KCNN2: variants seen among roughly 807,000 people sequenced by gnomAD.
KCNN2 encodes potassium calcium-activated channel subfamily N member 2.
A neutral mutation model predicts 55.5 loss-of-function variants in KCNN2; 24 were observed. The ratio of observed to expected loss-of-function variants is 0.43; its 90% CI spans 0.31 to 0.61. The LOEUF (loss-of-function observed/expected upper bound fraction) is 0.61. Among genes scored for constraint, KCNN2 ranks in the 20% least tolerant of loss-of-function variants. The probability of loss-of-function intolerance (pLI) is 0.08; values close to 1 mark genes in which losing one functional copy is unlikely to be tolerated. For synonymous variants in KCNN2, 431 were observed against 336.1 expected, an observed-to-expected ratio of 1.28 and a Z score of -3.09; for missense variants, 754 against 853.6, an observed-to-expected ratio of 0.88 and a Z score of 1.45.
chr5:114,082,287 A>G (rs1251225869), intron 1 of KCNN2, among the ~76,000 whole-genome samples: 1 of 151,752 alleles, frequency 6.6e-6, no homozygotes, highest in Non-Finnish European at 1.5e-5. Flanking sequence ...TTGTGCCACT[A>G]CACTCCAGCC....
At position 114,369,656 on chromosome 5, in the gene KCNN2, T is replaced by G. The variant is rs112611916; in HGVS notation, c.1218+5655T>G. Among the ~76,000 whole-genome samples, 263 of 152,284 alleles carry G rather than the reference T, an allele frequency of 1.7e-3. 1 individual carries two copies. The highest frequency in any genetic ancestry group is 2.6e-3 in the Non-Finnish European group (179 of 68,020). On this transcript the variant is annotated intron_variant, in intron 2 of 7. Transcript: ENST00000673685. ...CTCTATATCAGAAGTAATGAGATGC[T>G]CAGTCCCTTTGACTTTGTGTATACA...
chr5:114,197,755 G>T (rs1753589014), intron 1 of KCNN2, among the ~76,000 whole-genome samples: 2 of 152,116 alleles, frequency 1.3e-5, no homozygotes, highest in Non-Finnish European at 2.9e-5. Flanking sequence ...CAAACGGGCT[G>T]CTGAAGGAAA....
intron 5 of KCNN2, among the ~76,000 whole-genome samples, chr5:114,481,334 CAAAG>C (rs1171557659): frequency 6.6e-6 from 1 of 152,100 alleles, no homozygotes; most frequent in African/African-American, 2.4e-5. Flanking sequence ...AACCACTACT[CAAAG>C]AAATCAGAAA....
chr5:114,151,041 C>T (rs1276449548), intron 1 of KCNN2, among the ~76,000 whole-genome samples: 4 of 151,462 alleles, frequency 2.6e-5, no homozygotes, highest in Admixed American at 2.0e-4. Flanking sequence ...AAACAAACAA[C>T]AACAAAAAAA....
At position 114,113,910 on chromosome 5, in the gene KCNN2, G is replaced by T. The variant is rs753447236; in HGVS notation, c.-271+57410G>T. Among the ~76,000 whole-genome samples, 3 of 152,022 alleles carry T rather than the reference G, an allele frequency of 2.0e-5. No homozygotes were observed. In the East Asian group the frequency reaches 5.8e-4, roughly 29 times the overall value. ...TCCTGGCAGCTTCTGTGAAATCTCAGTTTCCTTCAGTTCAAAGTAATCCTT... is the reference window on the plus strand; with the variant it reads ...TCCTGGCAGCTTCTGTGAAATCTCATTTTCCTTCAGTTCAAAGTAATCCTT... On this transcript the variant is annotated intron_variant, in intron 1 of 10. Transcript: ENST00000512097.
chr5:114,256,392 C>G (rs1450733945), intron 2 of KCNN2, among the ~76,000 whole-genome samples: 1 of 152,134 alleles, frequency 6.6e-6, no homozygotes, highest in African/African-American at 2.4e-5. Context: ...TGTGTGGACA[C>G]CCAGTAGTGG....
chr5:114,389,014 A>C (rs1349567388), intron 2 of KCNN2, among the ~76,000 whole-genome samples: 1 of 152,036 alleles, frequency 6.6e-6, no homozygotes, highest in African/African-American at 2.4e-5. Context: ...TGAGGTGTGC[A>C]AGAATGTTTG....
intron 1 of KCNN2, among the ~76,000 whole-genome samples, chr5:114,141,553 C>T (rs1752280819): frequency 6.6e-6 from 1 of 152,044 alleles, no homozygotes. Flanking sequence ...TGGGTTGGTT[C>T]CAAGTCTTTG....
chr5:114,472,868 A>G (rs941685964), intron 4 of KCNN2, among the ~76,000 whole-genome samples, 186 bp from the exon 5 acceptor site: 1 of 152,220 alleles, frequency 6.6e-6, no homozygotes, highest in African/African-American at 2.4e-5. Context: ...ATGTAAACTA[A>G]ATTTTTAATC....
At chr5:114,184,576 T>TCACTAAA (rs543718201) in intron 1 of KCNN2, among the ~76,000 whole-genome samples, 62 of 152,320 alleles carry the variant, frequency 4.1e-4, no homozygotes, top group African/African-American at 1.0e-3. Context: ...TCATCAAATT[T>TCACTAAA]GCCTGTGGCT....
At chr5:114,258,495 T>C (rs1319867179) in intron 2 of KCNN2, among the ~76,000 whole-genome samples, 1 of 152,198 alleles carries the variant, frequency 6.6e-6, no homozygotes, top group Non-Finnish European at 1.5e-5. Context: ...TTGGGAGATT[T>C]TTTATTACTG....
intron 1 of KCNN2, among the ~76,000 whole-genome samples, chr5:114,172,491 T>C (rs549752713): frequency 3.6e-4 from 55 of 151,696 alleles, no homozygotes; most frequent in South Asian, 2.1e-3. Flanking sequence ...GAGAATTACC[T>C]TGTCTTTCTG....
chr5:114,408,680 C>A lies in KCNN2; in HGVS notation c.1637+3824C>A, dbSNP rs1053064341. Reference sequence around the variant, plus strand: ...CAATGAGGGAAATAGCCAGGTCTGACAATATATACATCTCCATGGGTGGTC... The same window carrying A: ...CAATGAGGGAAATAGCCAGGTCTGAAAATATATACATCTCCATGGGTGGTC... On this transcript the variant is annotated intron_variant, in intron 3 of 7. Transcript: ENST00000673685. 3.9e-5 allele frequency among the ~76,000 whole-genome samples: 6 copies of A among 152,180 alleles called. No individual in the cohort carries two copies. The South Asian group carries it at 1.2e-3, about 32-fold the overall frequency.
At chr5:114,374,649 T>G (rs1757880092) in intron 2 of KCNN2, among the ~76,000 whole-genome samples, 1 of 152,190 alleles carries the variant, frequency 6.6e-6, no homozygotes. Flanking sequence ...AAATAATCAT[T>G]AATTGAATCT....
intron 1 of KCNN2, among the ~76,000 whole-genome samples, chr5:114,199,174 A>G (rs1028763113): frequency 2.6e-5 from 4 of 152,098 alleles, no homozygotes; most frequent in Admixed American, 2.6e-4. Context: ...ATCATTGCAT[A>G]ATGACCTTTG....
At chr5:114,120,275 C>A (rs546461667) in intron 1 of KCNN2, among the ~76,000 whole-genome samples, 1 of 152,056 alleles carries the variant, frequency 6.6e-6, no homozygotes, top group African/African-American at 2.4e-5. Flanking sequence ...TTAGCACTGC[C>A]GCAGTAGTCC....
At chr5:114,104,990 T>C (rs1186693964) in intron 1 of KCNN2, among the ~76,000 whole-genome samples, 1 of 152,068 alleles carries the variant, frequency 6.6e-6, no homozygotes, top group East Asian at 1.9e-4. Context: ...TTTCCCAGTG[T>C]CACCTATTCT....
At chr5:114,241,784 GTATATATATGTATATATATACGTA>G (rs1754641146) in intron 2 of KCNN2, among the ~76,000 whole-genome samples, 1 of 3,280 alleles carries the variant, frequency 3.0e-4, no homozygotes, top group African/African-American at 1.3e-3. Context: ...ACATATATAC[GTATATATATGTATATATATACGTA>G]TATATATATA....
At chr5:114,189,231 T>C (rs1015500147) in intron 1 of KCNN2, among the ~76,000 whole-genome samples, 1 of 151,924 alleles carries the variant, frequency 6.6e-6, no homozygotes, top group African/African-American at 2.4e-5. Flanking sequence ...TCCCAGGATC[T>C]GCAGTCTGCC....
Sources: gnomAD v4.1 joint callset for allele counts (sites outside exome capture counted in the v4.1 genomes callset) on GRCh38, gnomAD v4.1.1 for gene constraint, MANE v1.5 for transcripts, NCBI Gene and HGNC (gene_info 2026-07-23, HGNC 2026-07-21) for gene names.